The following LNX1 variants were observed in gnomAD, a reference collection of about 807,000 sequenced individuals.
The protein encoded by LNX1 is E3 ubiquitin-protein ligase LNX.
In LNX1, 54 loss-of-function variants were observed where a neutral mutation model predicts 68.4. That is an observed-to-expected ratio of 0.79 (90% CI 0.63 to 0.99). LNX1 has a LOEUF of 0.99. Among genes scored for constraint, LNX1 ranks in the 50% least tolerant of loss-of-function variants. LNX1 has a pLI of 0.00. For synonymous variants in LNX1, 336 were observed against 350.0 expected (o/e 0.96, Z 0.45); for missense variants, 906 against 926.4 (o/e 0.98, Z 0.29).
intron 1 of LNX1, 60 bp from the exon 2 acceptor site, chr4:53,574,148 G>C: frequency 7.9e-7 from 1 of 1,259,492 alleles, no homozygotes; most frequent in East Asian, 2.6e-5. Context: ...TTATGCTTAT[G>C]GTAGACATGA....
rs117620663 is a variant in LNX1, at chr4:53,642,556, G to A, written c.-215+9612C>T. ...ACACTCTAAAGTCATATGTGGCACG[G>A]TTATTCTTTATATGCTTGGGGTCAA... On this transcript the variant is annotated intron_variant, in intron 1 of 2. Transcript: ENST00000507168. 8.3e-4 allele frequency among the ~76,000 whole-genome samples: 127 copies of A among 152,242 alleles called. 2 individuals carry two copies. The East Asian group carries it at 0.022, about 26-fold the overall frequency.
chr4:53,559,826 A>T (rs1483105280), intron 2 of LNX1, among the ~76,000 whole-genome samples: 1 of 151,328 alleles, frequency 6.6e-6, no homozygotes, highest in Non-Finnish European at 1.5e-5. Flanking sequence ...AAAAAAAAAA[A>T]AAATTAAAAT....
At chr4:53,465,659 C>T (rs1722624352) in intron 9 of LNX1, among the ~76,000 whole-genome samples, 1 of 152,152 alleles carries the variant, frequency 6.6e-6, no homozygotes, top group Admixed American at 6.5e-5. Flanking sequence ...GTGTTTATTG[C>T]CAAAGAACTT....
At chr4:53,563,085 A>G (rs1730398100) in intron 2 of LNX1, among the ~76,000 whole-genome samples, 1 of 152,176 alleles carries the variant, frequency 6.6e-6, no homozygotes, top group African/African-American at 2.4e-5. Flanking sequence ...GGGCACCTGT[A>G]TTCCCAGCTA....
At chr4:53,651,517 T>C (rs771634890) in intron 1 of LNX1, among the ~76,000 whole-genome samples, 3 of 152,244 alleles carry the variant, frequency 2.0e-5, no homozygotes, top group Non-Finnish European at 4.4e-5. Context: ...AGTTCCAATT[T>C]CTAAAATTCC....
At chr4:53,632,235 C>G (rs1219773355) in intron 1 of LNX1, among the ~76,000 whole-genome samples, 2 of 152,136 alleles carry the variant, frequency 1.3e-5, no homozygotes, top group Non-Finnish European at 2.9e-5. Context: ...TTTTCAGGGA[C>G]CACCAGGACA....
intron 2 of LNX1, among the ~76,000 whole-genome samples, chr4:53,532,355 G>A (rs959087500): frequency 2.0e-5 from 3 of 152,046 alleles, no homozygotes; most frequent in African/African-American, 7.2e-5. Context: ...ACGCACTGTA[G>A]CCCCGGCTAC....
intron 3 of LNX1, among the ~76,000 whole-genome samples, chr4:53,507,734 A>C (rs1726008612): frequency 6.6e-6 from 1 of 152,160 alleles, no homozygotes; most frequent in African/African-American, 2.4e-5. Context: ...AAAATTACTG[A>C]CACTGCAGGA....
At chr4:53,642,436 T>G (rs1372050481) in intron 1 of LNX1, among the ~76,000 whole-genome samples, 6 of 152,306 alleles carry the variant, frequency 3.9e-5, no homozygotes, top group African/African-American at 1.4e-4. Flanking sequence ...AAGCTCAATG[T>G]GGGGCCTAGG....
rs1237672091 is a variant in LNX1, at chr4:53,517,576, G to A, written c.381-9349C>T. Among the ~76,000 whole-genome samples, 9 of 152,284 alleles carry A rather than the reference G, an allele frequency of 5.9e-5. No individual in the cohort carries two copies. In the East Asian group the frequency reaches 7.7e-4, roughly 13 times the overall value. ...AGACCTCCTGTAAAGAACTTTCCGA[G>A]TTCAGTTTGGATAATTACGTTCTAC... On this transcript the variant is annotated intron_variant, in intron 2 of 10. Coordinates refer to ENST00000263925, the MANE Select transcript of LNX1 (RefSeq NM_001126328.3).
intron 1 of LNX1, among the ~76,000 whole-genome samples, chr4:53,623,677 T>C (rs1733969407): frequency 6.6e-6 from 1 of 152,152 alleles, no homozygotes; most frequent in African/African-American, 2.4e-5. Context: ...TATGGCTATG[T>C]TTTATTTTTG....
chr4:53,587,836 C>T (rs970055837), intron 1 of LNX1, among the ~76,000 whole-genome samples: 2 of 152,148 alleles, frequency 1.3e-5, no homozygotes, highest in Non-Finnish European at 2.9e-5. Flanking sequence ...CACAGAAGCC[C>T]ACTCCCCACA....
At chr4:53,598,596 C>T (rs1400348141) in intron 2 of LNX1, among the ~76,000 whole-genome samples, 1 of 152,082 alleles carries the variant, frequency 6.6e-6, no homozygotes, top group Non-Finnish European at 1.5e-5. Context: ...TGACTTTCCA[C>T]GTACTCTCAG....
At chr4:53,474,565 G>A (rs1308125623) in intron 9 of LNX1, among the ~76,000 whole-genome samples, 1 of 152,286 alleles carries the variant, frequency 6.6e-6, no homozygotes, top group East Asian at 1.9e-4. Flanking sequence ...AATCTGAAGG[G>A]AGGGAGACTT....
chr4:53,507,515 A>G (rs1725982452), intron 3 of LNX1, 46 bp from the exon 4 acceptor site: 1 of 1,576,742 alleles, frequency 6.3e-7, no homozygotes, highest in African/African-American at 1.4e-5. Flanking sequence ...TTTAATAGAA[A>G]TAATCATTTA....
rs192364891 is a variant in LNX1 at position 53,511,296 on chromosome 4, G to A, written c.381-3069C>T. Among the ~76,000 whole-genome samples the A allele has an allele frequency of 3.9e-4, 60 of 152,290 alleles. No homozygotes were observed. The East Asian group carries it at 0.011, about 27-fold the overall frequency. ...TCTCTTTTGTGGTGACTAATACTGG[G>A]GCAGCTTGATTTACAAGCATTAAAG... is the stretch of plus-strand genomic sequence containing the variant. On this transcript the variant is annotated intron_variant, in intron 2 of 10. Transcript: ENST00000263925.
chr4:53,543,262 G>C lies in LNX1; in HGVS notation c.380+30361C>G, dbSNP rs1350725887. Among the ~76,000 whole-genome samples, 5 of 152,166 alleles carry C rather than the reference G, an allele frequency of 3.3e-5. No individual in the cohort carries two copies. The East Asian group carries it at 9.6e-4, about 29-fold the overall frequency. ...TTTCTTGGCAAGGCCTGCTTATGTAGAACAGCATCTCCTTACCTGCTTTAT... is the reference window on the plus strand; with the variant it reads ...TTTCTTGGCAAGGCCTGCTTATGTACAACAGCATCTCCTTACCTGCTTTAT... On this transcript the variant is annotated intron_variant, in intron 2 of 10. Coordinates refer to ENST00000263925, the MANE Select transcript of LNX1 (RefSeq NM_001126328.3).
At chr4:53,615,165 G>C (rs1231340114) in intron 2 of LNX1, among the ~76,000 whole-genome samples, 1 of 152,198 alleles carries the variant, frequency 6.6e-6, no homozygotes, top group Non-Finnish European at 1.5e-5. Flanking sequence ...GGGAGATTTA[G>C]TGTAATAATG....
chr4:53,535,881 T>G (rs1310123292), intron 2 of LNX1, among the ~76,000 whole-genome samples: 1 of 152,190 alleles, frequency 6.6e-6, no homozygotes, highest in Non-Finnish European at 1.5e-5. Context: ...ATATGACCCC[T>G]GATAACTGTT....
Sources: gnomAD v4.1 joint callset for allele counts (sites outside exome capture counted in the v4.1 genomes callset) on GRCh38, gnomAD v4.1.1 for gene constraint, MANE v1.5 for transcripts, NCBI Gene and HGNC (gene_info 2026-07-23, HGNC 2026-07-21) for gene names.